The following ZNF19 variants were observed in gnomAD, a reference collection of about 807,000 sequenced individuals.
ZNF19 encodes the protein zinc finger protein 19 (KOX 12).
A neutral mutation model predicts 13.1 loss-of-function variants in ZNF19; 11 were observed. The ratio of observed to expected loss-of-function variants is 0.84; its 90% CI spans 0.53 to 1.39. The LOEUF is 1.39. Ranked by LOEUF, ZNF19 falls within the 40% of genes most tolerant of loss-of-function variation. The pLI, the probability that ZNF19 is intolerant of heterozygous loss-of-function variation, is 0.00. For synonymous variants in ZNF19, 186 were observed against 187.0 expected (o/e 0.99, Z 0.04); for missense variants, 560 against 547.0 (o/e 1.02, Z -0.24).
chr16:71,483,630 G>A (rs1007646160), intron 2 of ZNF19, among the ~76,000 whole-genome samples: 2 of 152,096 alleles, frequency 1.3e-5, no homozygotes, highest in Non-Finnish European at 2.9e-5. Context: ...CTACAGACCA[G>A]GTCAGGTGTC....
intron 2 of ZNF19, chr16:71,482,438 T>C (rs1344283233): frequency 3.5e-6 from 1 of 288,908 alleles, no homozygotes; most frequent in African/African-American, 2.1e-5. Context: ...GAGCGAAACC[T>C]AACAAGAAGA....
rs1273048961 is a variant in ZNF19, at chr16:71,475,680, A to C, written c.867T>G (p.Leu289=). Reference sequence around the variant, plus strand: ...CTCCAGTGTGGATTTTCTGATGCCGAAGTAGGGGTGAATTACCAACAAAAG... The same window carrying C: ...CTCCAGTGTGGATTTTCTGATGCCGCAGTAGGGGTGAATTACCAACAAAAG... ...GKAFVGNSPL[L]RHQKIHTGEK... is the part of the protein sequence containing the mutation. Residue 289 remains leucine (L), a synonymous_variant, in exon 6 of 6, where the codon CTT becomes CTG. Transcript: ENST00000288177. The C allele has an allele frequency of 2.5e-6, 4 of 1,612,638 alleles. No homozygotes were observed. In the Admixed American group the frequency reaches 5.0e-5, roughly 20 times the overall value.
rs868343730 is a variant in ZNF19 at position 71,475,489 on chromosome 16, T to C, written c.1058A>G (p.Glu353Gly). ...ATCTACACAGTCAAAGGGTTTCTCC[T>C]CACTGTGAATTCTCTGGTGCCGAGT... ...KLTRHQRIHS[E>G]EKPFDCVDCG... Residue 353 changes from glutamate to glycine, a missense_variant, in exon 6 of 6, where the codon GAG becomes GGG. Physicochemically the swap from Glu to Gly is moderately conservative, Grantham distance 98 (BLOSUM62 -2). Transcript: ENST00000288177. 1 of 1,614,206 alleles carries C rather than the reference T, an allele frequency of 6.2e-7. No homozygotes were observed. The highest frequency in any genetic ancestry group is 8.5e-7 in the Non-Finnish European group (1 of 1,180,020).
At position 71,489,247 on chromosome 16, in the gene ZNF19, A is replaced by G. The variant is rs925934571; in HGVS notation, c.-190+25T>C. The G allele has an allele frequency of 1.3e-5, 13 of 985,464 alleles. No homozygotes were observed. In the African/African-American group the frequency reaches 2.3e-4, roughly 17 times the overall value. The allele number at this position is 985,464 out of a possible 1,614,324, so 61.0% of individuals were successfully genotyped here. ...TCACTCCCAACCCAAGCTCCGCCCA[A>G]CTGTGGGTCCTTGCACTTTGGCACC... On this transcript the variant is annotated intron_variant, in intron 1 of 5. Coordinates refer to ENST00000288177, the MANE Select transcript of ZNF19 (RefSeq NM_006961.4).
chr16:71,476,785 G>C (rs1004666106), intron 5 of ZNF19, among the ~76,000 whole-genome samples: 1 of 152,222 alleles, frequency 6.6e-6, no homozygotes, highest in Non-Finnish European at 1.5e-5. Flanking sequence ...GCAAGACAGA[G>C]AGAAAGAAAA....
chr16:71,483,743 T>C (rs1226916214), intron 2 of ZNF19, among the ~76,000 whole-genome samples: 1 of 152,220 alleles, frequency 6.6e-6, no homozygotes, highest in African/African-American at 2.4e-5. Flanking sequence ...AACAAATATT[T>C]ATCTCATACA....
At position 71,484,440 on chromosome 16, in the gene ZNF19, C is replaced by A. The variant is rs552457147; in HGVS notation, c.-30+149G>T. 3.1e-3 allele frequency: 2,789 copies of A among 889,068 alleles called. 7 individuals carry two copies. The highest frequency in any genetic ancestry group is 3.9e-3 in the South Asian group (76 of 19,314). 55.1% of individuals were successfully genotyped at this position (889,068 alleles called of 1,614,324 possible). ...GAAGGCACCAGAGGGAGACCGGGACCGGCCCGCGAGCAGCCTCCGCTCCCC... is the reference window on the plus strand; with the variant it reads ...GAAGGCACCAGAGGGAGACCGGGACAGGCCCGCGAGCAGCCTCCGCTCCCC... On this transcript the variant is annotated intron_variant, in intron 2 of 5. Transcript: ENST00000288177.
intron 2 of ZNF19, among the ~76,000 whole-genome samples, chr16:71,482,533 A>C (rs1362177686): frequency 6.6e-6 from 1 of 152,220 alleles, no homozygotes; most frequent in African/African-American, 2.4e-5. Context: ...TGGATGAAAA[A>C]TACATATTCT....
At chr16:71,485,176 G>C (rs957865668) in intron 1 of ZNF19, among the ~76,000 whole-genome samples, 14 of 152,120 alleles carry the variant, frequency 9.2e-5, no homozygotes, top group African/African-American at 3.1e-4. Flanking sequence ...CAGGCCAGGC[G>C]CGGTGGCTCA....
chr16:71,474,300 C>T lies in ZNF19; in HGVS notation c.*870G>A, dbSNP rs1390416842. The T allele has an allele frequency of 2.0e-4, 30 of 152,210 alleles. No homozygotes were observed. The highest frequency in any genetic ancestry group is 2.0e-3 in the Admixed American group (30 of 15,280). 9.4% of individuals were successfully genotyped at this position (152,210 alleles called of 1,614,324 possible). A position where few individuals can be genotyped will look rare whatever the true frequency, so the allele number is the denominator to read the frequency against. ...AATGGCAAATACCAAGATATAATAGCTACAATAGCCTGGCATTTCTCAGTT... is the reference window on the plus strand; with the variant it reads ...AATGGCAAATACCAAGATATAATAGTTACAATAGCCTGGCATTTCTCAGTT... On this transcript the variant is annotated 3_prime_UTR_variant, in exon 6 of 6. Coordinates refer to ENST00000288177, the MANE Select transcript of ZNF19 (RefSeq NM_006961.4).
chr16:71,482,031 T>G (rs780741082), intron 3 of ZNF19, 51 bp downstream of exon 3: 1 of 1,602,334 alleles, frequency 6.2e-7, no homozygotes. Flanking sequence ...TCCACCTCAT[T>G]TCCTTCAACT....
In ZNF19 at chr16:71,474,153, G is replaced by C. The variant is rs1191297418; in HGVS notation, c.*1017C>G. On this transcript the variant is annotated 3_prime_UTR_variant, in exon 6 of 6. Coordinates refer to ENST00000288177, the MANE Select transcript of ZNF19 (RefSeq NM_006961.4). ...AGTTTGTGTTCATCACCAAAGAAAA[G>C]GGCCAGCCCTGTTTTCCTACTGAGA... The C allele has an allele frequency of 1.3e-5, 2 of 152,240 alleles. No homozygotes were observed. The highest frequency in any genetic ancestry group is 1.5e-5 in the Non-Finnish European group (1 of 68,054). The allele number at this position is 152,240 out of a possible 1,614,324, so 9.4% of individuals were successfully genotyped here. A position where few individuals can be genotyped will look rare whatever the true frequency, so the allele number is the denominator to read the frequency against.
Position 71,478,233 on chromosome 16 carries a change from C to G in ZNF19, c.269G>C (p.Cys90Ser). 6.2e-7 allele frequency: 1 copy of G among 1,612,770 alleles called. No homozygotes were observed. The highest frequency in any genetic ancestry group is 8.5e-7 in the Non-Finnish European group (1 of 1,178,956). Residue 90 changes from cysteine to serine, a missense_variant, in exon 5 of 6, where the codon TGT becomes TCT. Physicochemically the swap from Cys to Ser is moderately radical, Grantham distance 112. Coordinates refer to ENST00000288177, the MANE Select transcript of ZNF19 (RefSeq NM_006961.4). Reference sequence around the variant, plus strand: ...TCTAAATCTGCCTCACCTACCTTTACAGACGTTTTTGGTCCTCTCTGCTGG... The same window carrying G: ...TCTAAATCTGCCTCACCTACCTTTAGAGACGTTTTTGGTCCTCTCTGCTGG... ...DPPAERTKNV[C>S]KDVETNIDSE...
At chr16:71,478,631 T>C in intron 4 of ZNF19, 1 of 639,942 alleles carries the variant, frequency 1.6e-6, no homozygotes, top group East Asian at 2.7e-5. Context: ...GCAGAGCCTC[T>C]TGGAAGATGG....
intron 1 of ZNF19, 140 bp downstream of exon 1, chr16:71,489,132 G>A (rs572148664): frequency 7.1e-6 from 4 of 559,560 alleles, no homozygotes; most frequent in Non-Finnish European, 9.1e-6. Context: ...AACAGCCCAG[G>A]TCCCACCCGG....
rs374729640 is a variant in ZNF19, at chr16:71,475,182, G to A, written c.1365C>T (p.Pro455=). The stretch of plus-strand genomic sequence containing the variant: ...CTGGAGTGTACTATTACCAGTAAAA[G>A]GGGGTAAAAAATTCTGGGAGGCCAA... The part of the protein sequence containing the change: ...CRFGLPEFFT[P]FYW The change falls in exon 6 of 6, where the codon CCC becomes CCT. Residue 455 remains proline, a synonymous_variant. Transcript: ENST00000288177. The A allele has an allele frequency of 4.4e-6, 7 of 1,598,266 alleles. No homozygotes were observed. Among genetic ancestry groups the A allele is most frequent in the Non-Finnish European group, 6.0e-6 (7 of 1,171,390 alleles).
chr16:71,484,472 G>A (rs1330371934), intron 2 of ZNF19, 117 bp downstream of exon 2: 2 of 978,632 alleles, frequency 2.0e-6, no homozygotes, highest in Non-Finnish European at 2.4e-6. Context: ...CCCCGGTCCC[G>A]GAGGGGCCGC....
intron 2 of ZNF19, among the ~76,000 whole-genome samples, chr16:71,482,982 C>T (rs1041502028): frequency 1.3e-5 from 2 of 152,244 alleles, no homozygotes; most frequent in Admixed American, 6.5e-5. Flanking sequence ...GGATTACAGG[C>T]GTGAGGCACC....
At position 71,475,732 on chromosome 16, in the gene ZNF19, G is replaced by A. The variant is rs1472122768; in HGVS notation, c.815C>T (p.Pro272Leu). Residue 272 changes from proline (P) to leucine (L), a missense_variant, in exon 6 of 6, where the codon CCC becomes CTC. By Grantham distance (98) the Pro-to-Leu change is moderately conservative. Transcript: ENST00000288177. ...IHQRIHTGEK[P>L]YECNECGKAF... is the part of the protein sequence containing the mutation. The stretch of plus-strand genomic sequence containing the variant: ...TTTGCCACACTCATTACACTCATAG[G>A]GTTTCTCCCCAGTGTGGATTCTCTG... 6.2e-7 allele frequency: 1 copy of A among 1,614,014 alleles called. No homozygotes were observed. Among genetic ancestry groups the A allele is most frequent in the Non-Finnish European group, 8.5e-7 (1 of 1,179,942 alleles).
Sources: allele counts gnomAD v4.1 joint callset (sites outside exome capture counted in the v4.1 genomes callset), GRCh38; gene constraint gnomAD v4.1.1; transcripts MANE v1.5; gene names NCBI Gene and HGNC (gene_info 2026-07-23, HGNC 2026-07-21).